RSPH4A: variants seen among roughly 807,000 people sequenced by gnomAD.
The protein encoded by RSPH4A is radial spoke head protein 4 homolog A.
RSPH4A carries 47 observed loss-of-function variants against 71.0 expected under a neutral mutation model. That is an observed-to-expected ratio of 0.66 (90% CI 0.52 to 0.84). The LOEUF is 0.84. RSPH4A is among the 40% of genes least tolerant of loss of function. The pLI is 0.00. For missense variants in RSPH4A, 793 were observed against 855.2 expected, an observed-to-expected ratio of 0.93 and a Z score of 0.91; for synonymous variants, 282 against 302.3, an observed-to-expected ratio of 0.93 and a Z score of 0.70.
rs761926509 is a variant in RSPH4A at position 116,632,421 on chromosome 6, G to A, written c.2131G>A (p.Glu711Lys). 12 of 1,613,210 alleles carry A rather than the reference G, an allele frequency of 7.4e-6. No individual in the cohort carries two copies. Among genetic ancestry groups the A allele is most frequent in the Non-Finnish European group, 9.3e-6 (11 of 1,179,670 alleles). ...ENEESEEDED[E>K]EDDYD ...TGAAGAATCTGAGGAAGATGAAGAT[G>A]AGGAAGATGATTATGACTAATAAAC... The change falls in exon 6 of 6, where the codon GAG (glutamate) becomes AAG (lysine). Residue 711 changes from glutamate (E) to lysine (K), a missense_variant. Physicochemically the swap from Glu to Lys is moderately conservative, Grantham distance 56. Coordinates refer to ENST00000229554, the MANE Select transcript of RSPH4A (RefSeq NM_001010892.3).
chr6:116,622,698 T>C (rs1775629178), intron 1 of RSPH4A, 70 bp from the exon 2 acceptor site: 1 of 1,006,086 alleles, frequency 9.9e-7, no homozygotes, highest in East Asian at 2.4e-5. Flanking sequence ...ACCCCAGAAA[T>C]GTCAAAGAAA....
chr6:116,626,743 ATAATT>A (rs67053288), intron 2 of RSPH4A, among the ~76,000 whole-genome samples: 28,215 of 151,996 alleles, frequency 0.19, 2,754 homozygotes, highest in East Asian at 0.29. Context: ...TAAATTCAAA[ATAATT>A]TATTATAAGT....
At position 116,629,829 on chromosome 6, in the gene RSPH4A, C is replaced by T. The variant is rs573127415; in HGVS notation, c.1798+127C>T. On this transcript the variant is annotated intron_variant, in intron 4 of 5. Transcript: ENST00000229554. ...ACAGGAGCCAAGGTCTCATCCTCTT[C>T]CCATTCATGTTCTGGGATGATAGGG... 5.7e-4 allele frequency: 479 copies of T among 836,102 alleles called. 4 individuals are homozygous for T. Among genetic ancestry groups the T allele is most frequent in the South Asian group, 4.8e-3 (314 of 65,756 alleles). The allele number at this position is 836,102 out of a possible 1,614,324, so 51.8% of individuals were successfully genotyped here.
chr6:116,618,831 G>A (rs919852604), intron 1 of RSPH4A, among the ~76,000 whole-genome samples: 2 of 152,142 alleles, frequency 1.3e-5, no homozygotes, highest in Non-Finnish European at 2.9e-5. Context: ...ACAGGTTGAG[G>A]GCTCAATCCC....
At position 116,623,019 on chromosome 6, in the gene RSPH4A, A is replaced by C; in HGVS notation, c.921+17A>C. The C allele has an allele frequency of 7.1e-7, 1 of 1,402,660 alleles. No individual in the cohort carries two copies. The highest frequency in any genetic ancestry group is 1.0e-6 in the Non-Finnish European group (1 of 987,310). The allele number at this position is 1,402,660 out of a possible 1,614,324, so 86.9% of individuals were successfully genotyped here. A position where few individuals can be genotyped will look rare whatever the true frequency, so the allele number is the denominator to read the frequency against. ...GATGAAATAGTAAGTCACTACTACA[A>C]ATTTTAATAATAAACCTTAGGATTT... On this transcript the variant is annotated intron_variant, in intron 2 of 5. Coordinates refer to ENST00000229554, the MANE Select transcript of RSPH4A (RefSeq NM_001010892.3).
In RSPH4A at chr6:116,632,388, G is replaced by A; in HGVS notation, c.2098G>A (p.Ala700Thr). The change falls in exon 6 of 6, where the codon GCT (alanine) becomes ACT (threonine). Residue 700 changes from alanine (A) to threonine (T), a missense_variant. Coordinates refer to ENST00000229554, the MANE Select transcript of RSPH4A (RefSeq NM_001010892.3). ...RAAQEAVLLA[A>T]ENEESEEDED... ...TGCACAAGAAGCAGTTCTACTCGCA[G>A]CTGAGAATGAAGAATCTGAGGAAGA... is the stretch of plus-strand genomic sequence containing the variant. 6.2e-7 allele frequency: 1 copy of A among 1,614,004 alleles called. No homozygotes were observed. Among genetic ancestry groups the A allele is most frequent in the Non-Finnish European group, 8.5e-7 (1 of 1,179,962 alleles).
At chr6:116,627,107 A>G (rs1020597266) in intron 2 of RSPH4A, among the ~76,000 whole-genome samples, 1 of 152,244 alleles carries the variant, frequency 6.6e-6, no homozygotes, top group African/African-American at 2.4e-5. Context: ...CAAGGTAGCT[A>G]TTATACATTA....
At chr6:116,622,055 G>C (rs189900299) in intron 1 of RSPH4A, among the ~76,000 whole-genome samples, 1 of 152,118 alleles carries the variant, frequency 6.6e-6, no homozygotes, top group African/African-American at 2.4e-5. Flanking sequence ...GCAGTGTTTC[G>C]AATGGAATAG....
chr6:116,627,613 G>A lies in RSPH4A; in HGVS notation c.922-16G>A, dbSNP rs750183884. 2.2e-5 allele frequency: 35 copies of A among 1,593,232 alleles called. No homozygotes were observed. In the Admixed American group the frequency reaches 3.5e-4, roughly 16 times the overall value. ...GTCTTATTGATAAATTTTAACCACA[G>A]CATTTGTTTCCCCAGGCAGAAAACG... On this transcript the variant is annotated splice_polypyrimidine_tract_variant and intron_variant, in intron 2 of 5. Coordinates refer to ENST00000229554, the MANE Select transcript of RSPH4A (RefSeq NM_001010892.3).
At position 116,630,473 on chromosome 6, in the gene RSPH4A, T is replaced by A. The variant is rs1775776594; in HGVS notation, c.1837T>A (p.Ser613Thr). 1.2e-6 allele frequency: 2 copies of A among 1,611,298 alleles called. No individual in the cohort carries two copies. Among genetic ancestry groups the A allele is most frequent in the Admixed American group, 1.7e-5 (1 of 59,968 alleles). ...NIPPWTTRLS[S>T]NLIPQYAIAV... ...ACCCCCCTGGACAACACGGTTATCC[T>A]CAAATCTCATTCCACAATATGCTAT... The change falls in exon 5 of 6, where the codon TCA (serine) becomes ACA (threonine). Residue 613 changes from serine (S) to threonine (T), a missense_variant. Coordinates refer to ENST00000229554, the MANE Select transcript of RSPH4A (RefSeq NM_001010892.3).
At chr6:116,617,813 C>T (rs1775536793) in intron 1 of RSPH4A, among the ~76,000 whole-genome samples, 1 of 152,260 alleles carries the variant, frequency 6.6e-6, no homozygotes, top group African/African-American at 2.4e-5. Context: ...CCCCTTAGTC[C>T]TCGCAAACTC....
chr6:116,621,240 A>G (rs1775602460), intron 1 of RSPH4A, among the ~76,000 whole-genome samples: 1 of 152,198 alleles, frequency 6.6e-6, no homozygotes, highest in Non-Finnish European at 1.5e-5. Context: ...ATTTCTGTTC[A>G]TTTACAAGAA....
At position 116,632,272 on chromosome 6, in the gene RSPH4A, T is replaced by C. The variant is rs760826067; in HGVS notation, c.1982T>C (p.Val661Ala). The stretch of plus-strand genomic sequence containing the variant: ...AGTCCAGACAATTATACACCCCCAG[T>C]TCCACCACCAGTTTATCAAGAATAC... ...KYSPDNYTPP[V>A]PPPVYQEYPS... Residue 661 changes from valine (V) to alanine (A), a missense_variant, in exon 6 of 6, where the codon GTT (valine) becomes GCT (alanine). Transcript: ENST00000229554. 1.2e-6 allele frequency: 2 copies of C among 1,612,844 alleles called. No homozygotes were observed. Among genetic ancestry groups the C allele is most frequent in the Non-Finnish European group, 1.7e-6 (2 of 1,179,884 alleles).
chr6:116,632,576 A>C lies in RSPH4A; in HGVS notation c.*135A>C. The C allele has an allele frequency of 1.2e-5, 14 of 1,128,802 alleles. No homozygotes were observed. Among genetic ancestry groups the C allele is most frequent in the East Asian group, 2.6e-5 (1 of 38,064 alleles). The allele number at this position is 1,128,802 out of a possible 1,614,324, so 69.9% of individuals were successfully genotyped here. A position where few individuals can be genotyped will look rare whatever the true frequency, so the allele number is the denominator to read the frequency against. On this transcript the variant is annotated 3_prime_UTR_variant, in exon 6 of 6. Coordinates refer to ENST00000229554, the MANE Select transcript of RSPH4A (RefSeq NM_001010892.3). Reference sequence around the variant, plus strand: ...GAAATTATTCAACTGCAAAATCTCAATCTTGAAAATCAAGCTTGAAATTTC... The same window carrying C: ...GAAATTATTCAACTGCAAAATCTCACTCTTGAAAATCAAGCTTGAAATTTC...
Position 116,616,861 on chromosome 6 carries a change from T to A in RSPH4A, c.238T>A (p.Ser80Thr), listed in dbSNP as rs1235292068. 1 of 1,613,924 alleles carries A rather than the reference T, an allele frequency of 6.2e-7. No individual in the cohort carries two copies. Among genetic ancestry groups the A allele is most frequent in the African/African-American group, 1.3e-5 (1 of 74,876 alleles). Residue 80 changes from serine (S) to threonine (T), a missense_variant, in exon 1 of 6, where the codon TCA becomes ACA. Transcript: ENST00000229554. ...GGGTGGCCCCGCGGGACCAGAAACA[T>A]CATCACCTGCTCCTGTCTCTCCGCG... Reference protein sequence around the residue: ...PLGGPAGPETSSPAPVSPREP... With the variant: ...PLGGPAGPETTSPAPVSPREP...
chr6:116,626,715 T>A (rs9488990), intron 2 of RSPH4A, among the ~76,000 whole-genome samples: 13 of 151,124 alleles, frequency 8.6e-5, no homozygotes, highest in Admixed American at 1.3e-4. Context: ...TGGAATTTTT[T>A]AATTTTTCTC....
chr6:116,632,756 C>A lies in RSPH4A; in HGVS notation c.*315C>A. ...TAAAAGGGCTCAGGTTTCACATGGT[C>A]CAGGTGAGGTAAAACAATTAAAATA... On this transcript the variant is annotated 3_prime_UTR_variant, in exon 6 of 6. Coordinates refer to ENST00000229554, the MANE Select transcript of RSPH4A (RefSeq NM_001010892.3). The A allele has an allele frequency of 3.6e-6, 1 of 276,824 alleles. No homozygotes were observed. The allele number at this position is 276,824 out of a possible 1,614,324, so 17.1% of individuals were successfully genotyped here. A position where few individuals can be genotyped will look rare whatever the true frequency, so the allele number is the denominator to read the frequency against.
At position 116,617,041 on chromosome 6, in the gene RSPH4A, C is replaced by T; in HGVS notation, c.418C>T (p.His140Tyr). 1 of 1,614,228 alleles carries T rather than the reference C, an allele frequency of 6.2e-7. No homozygotes were observed. Reference sequence around the variant, plus strand: ...ATCTGATAAAAGAGAATCAACTCCTCATCACACAAGCCAGTCAGAAGGAAA... The same window carrying T: ...ATCTGATAAAAGAGAATCAACTCCTTATCACACAAGCCAGTCAGAAGGAAA... ...QSSDKRESTP[H>Y]HTSQSEGNTF... The change falls in exon 1 of 6, where the codon CAT (histidine) becomes TAT (tyrosine). Residue 140 changes from histidine (H) to tyrosine (Y), a missense_variant. By Grantham distance (83) the His-to-Tyr change is moderately conservative (BLOSUM62 2). Transcript: ENST00000229554.
intron 5 of RSPH4A, among the ~76,000 whole-genome samples, chr6:116,631,712 C>T (rs371971140): frequency 3.9e-5 from 6 of 152,246 alleles, no homozygotes; most frequent in East Asian, 1.9e-4. Flanking sequence ...TGCAACTTCC[C>T]GTAAAGACAG....
Sources: gnomAD v4.1 joint callset for allele counts (sites outside exome capture counted in the v4.1 genomes callset) on GRCh38, gnomAD v4.1.1 for gene constraint, MANE v1.5 for transcripts, NCBI Gene and HGNC (gene_info 2026-07-23, HGNC 2026-07-21) for gene names.